The following TATDN2 variants were observed in gnomAD, a reference collection of about 807,000 sequenced individuals.
The protein encoded by TATDN2 is 3'-5' RNA nuclease TATDN2.
Under a neutral mutation model 60.3 loss-of-function variants are expected in TATDN2, and 44 were observed. The observed-to-expected ratio is 0.73, with a 90% CI of 0.57 to 0.94. The LOEUF (loss-of-function observed/expected upper bound fraction) is 0.94, where lower values mean the gene tolerates loss of function less well. TATDN2 is among the 40% of genes least tolerant of loss of function. TATDN2 has a pLI of 0.00. For missense variants in TATDN2, 997 were observed against 948.0 expected, an observed-to-expected ratio of 1.05 and a Z score of -0.68; for synonymous variants, 399 against 355.8, an observed-to-expected ratio of 1.12 and a Z score of -1.37.
chr3:10,271,883 C>T (rs1303876868), intron 4 of TATDN2, among the ~76,000 whole-genome samples: 3 of 151,982 alleles, frequency 2.0e-5, no homozygotes, highest in Non-Finnish European at 4.4e-5. Context: ...TGTGTGCCAC[C>T]TTGCGTGGCT....
chr3:10,275,535 G>A (rs941757900), intron 4 of TATDN2, among the ~76,000 whole-genome samples: 2 of 152,034 alleles, frequency 1.3e-5, no homozygotes, highest in Admixed American at 1.3e-4. Flanking sequence ...ATCAGTTGAG[G>A]TTAGTTTGAG....
chr3:10,278,839 G>T lies in TATDN2; in HGVS notation c.2146-46G>T. 1 of 1,613,590 alleles carries T rather than the reference G, an allele frequency of 6.2e-7. No homozygotes were observed. The highest frequency in any genetic ancestry group is 1.3e-5 in the African/African-American group (1 of 75,054). ...AGGGAGGGAGTTCTAGATTATGACT[G>T]TGCACACATGGCACAATGATGTTAT... On this transcript the variant is annotated intron_variant, in intron 6 of 7. Transcript: ENST00000448281. The surrounding 1 kb of genome is among the most constrained non-coding windows in gnomAD (Gnocchi z 4.7).
chr3:10,278,978 A>G lies in TATDN2; in HGVS notation c.2239A>G (p.Thr747Ala). 1.2e-6 allele frequency: 2 copies of G among 1,614,224 alleles called. No homozygotes were observed. The highest frequency in any genetic ancestry group is 1.7e-6 in the Non-Finnish European group (2 of 1,180,040). The change falls in exon 7 of 8, where the codon ACC (threonine) becomes GCC (alanine). Residue 747 changes from threonine to alanine, a missense_variant. Transcript: ENST00000448281. This position sits in a 1 kb window ranked among gnomAD's most constrained non-coding sequence, Gnocchi z 4.7. ...AGTCAAAGATCAGCCACTCTCCCTCACCTTGGCTGCCTTGCGTGAGAACAC... is the reference window on the plus strand; with the variant it reads ...AGTCAAAGATCAGCCACTCTCCCTCGCCTTGGCTGCCTTGCGTGAGAACAC... The part of the protein sequence containing the change: ...ARVKDQPLSL[T>A]LAALRENTSR...
chr3:10,273,778 G>A (rs189304008), intron 4 of TATDN2, among the ~76,000 whole-genome samples: 1 of 152,152 alleles, frequency 6.6e-6, no homozygotes, highest in African/African-American at 2.4e-5. Context: ...GCTGGTTAGA[G>A]CAAATTACTG....
At chr3:10,276,533 C>T (rs768637416) in intron 5 of TATDN2, 45 bp downstream of exon 5, 1 of 1,595,048 alleles carries the variant, frequency 6.3e-7, no homozygotes. Flanking sequence ...GAAACACTTC[C>T]TCTGTCAAGT....
Position 10,278,447 on chromosome 3 carries a change from T to C in TATDN2, c.2130T>C (p.Tyr710=). 1 of 1,612,858 alleles carries C rather than the reference T, an allele frequency of 6.2e-7. No individual in the cohort carries two copies. Residue 710 remains tyrosine, a synonymous_variant, in exon 6 of 8, where the codon TAT becomes TAC. Transcript: ENST00000448281. This position sits in a 1 kb window ranked among gnomAD's most constrained non-coding sequence, Gnocchi z 4.7. ...TCATCGTGGAAACGGATGCTCCCTA[T>C]TTCCTCCCTCGCCAGGTAAGGGGGT... ...ERIIVETDAP[Y]FLPRQVPKSL...
intron 4 of TATDN2, among the ~76,000 whole-genome samples, chr3:10,272,083 G>A (rs1317782935): frequency 6.6e-6 from 1 of 152,014 alleles, no homozygotes; most frequent in Non-Finnish European, 1.5e-5. Flanking sequence ...GCTTTGGCAG[G>A]GTAAGAGTTG....
chr3:10,252,568 G>T (rs1163278352), intron 2 of TATDN2, among the ~76,000 whole-genome samples: 1 of 152,086 alleles, frequency 6.6e-6, no homozygotes, highest in African/African-American at 2.4e-5. Context: ...GGTCATCTGT[G>T]AACTTATCTG....
At chr3:10,258,473 CTTT>C (rs62666361) in intron 2 of TATDN2, among the ~76,000 whole-genome samples, 3 of 143,014 alleles carry the variant, frequency 2.1e-5, no homozygotes, top group African/African-American at 2.6e-5. Flanking sequence ...TATTTTGCTT[CTTT>C]TTTTTTTTTT....
Position 10,269,989 on chromosome 3 carries a change from A to G in TATDN2, c.949-142A>G, listed in dbSNP as rs560144134. The G allele has an allele frequency of 3.1e-4, 329 of 1,057,004 alleles. 1 individual carries two copies. In the South Asian group the frequency reaches 5.2e-3, roughly 17 times the overall value. 65.5% of individuals were successfully genotyped at this position (1,057,004 alleles called of 1,614,324 possible). A position where few individuals can be genotyped will look rare whatever the true frequency, so the allele number is the denominator to read the frequency against. On this transcript the variant is annotated intron_variant, in intron 3 of 7. Coordinates refer to ENST00000448281, the MANE Select transcript of TATDN2 (RefSeq NM_014760.4). ...CTGGAAATTGTAAGGAAACCAGGTG[A>G]CAGGGTGAGCTAATGAGCCAATGCA... is the stretch of plus-strand genomic sequence containing the variant.
chr3:10,259,091 TG>T (rs1203009791), intron 2 of TATDN2, among the ~76,000 whole-genome samples: 1 of 152,198 alleles, frequency 6.6e-6, no homozygotes, highest in Non-Finnish European at 1.5e-5. Flanking sequence ...AAGCTGGTCT[TG>T]AACTCCTGAG....
rs1433640833 is a variant in TATDN2 at position 10,278,989 on chromosome 3, C to T, written c.2250C>T (p.Ala750=). 6.2e-7 allele frequency: 1 copy of T among 1,614,242 alleles called. No individual in the cohort carries two copies. Among genetic ancestry groups the T allele is most frequent in the African/African-American group, 1.3e-5 (1 of 75,068 alleles). ...KDQPLSLTLA[A]LRENTSRLYS... Reference sequence around the variant, plus strand: ...AGCCACTCTCCCTCACCTTGGCTGCCTTGCGTGAGAACACCAGTCGCCTCT... The same window carrying T: ...AGCCACTCTCCCTCACCTTGGCTGCTTTGCGTGAGAACACCAGTCGCCTCT... The change falls in exon 7 of 8, where the codon GCC becomes GCT. Residue 750 remains alanine (A), a synonymous_variant. Transcript: ENST00000448281. This position sits in a 1 kb window ranked among gnomAD's most constrained non-coding sequence, Gnocchi z 4.7.
chr3:10,248,834 C>T lies in TATDN2; in HGVS notation c.-240C>T. 1 of 206,880 alleles carries T rather than the reference C, an allele frequency of 4.8e-6. No individual in the cohort carries two copies. Among genetic ancestry groups the T allele is most frequent in the Non-Finnish European group, 9.6e-6 (1 of 104,622 alleles). 12.8% of individuals were successfully genotyped at this position (206,880 alleles called of 1,614,324 possible). The stretch of plus-strand genomic sequence containing the variant: ...TGGTCTTCTGAAGCGCTTGACAGTT[C>T]TAAAGGGCTTTATATTGCAAACTGA... On this transcript the variant is annotated 5_prime_UTR_variant, in exon 1 of 8. Coordinates refer to ENST00000448281, the MANE Select transcript of TATDN2 (RefSeq NM_014760.4).
chr3:10,251,068 A>C (rs999454314), intron 2 of TATDN2, among the ~76,000 whole-genome samples: 1 of 152,128 alleles, frequency 6.6e-6, no homozygotes, highest in Middle Eastern at 3.2e-3. Flanking sequence ...AGGTGGACCC[A>C]CCTTTCTCTC....
In TATDN2 at chr3:10,260,587, G is replaced by C. The variant is rs1439244665; in HGVS notation, c.865G>C (p.Gly289Arg). The change falls in exon 3 of 8, where the codon GGG becomes CGG. Residue 289 changes from glycine (G) to arginine (R), a missense_variant. Transcript: ENST00000448281. ...AGAGAAACCCAGTGAGGAGCCCCTTGGGGACCGAAGGACTGTCATTGACAA... is the reference window on the plus strand; with the variant it reads ...AGAGAAACCCAGTGAGGAGCCCCTTCGGGACCGAAGGACTGTCATTGACAA... ...PQEKPSEEPL[G>R]DRRTVIDKCS... is the part of the protein sequence containing the mutation. 2 of 1,614,126 alleles carry C rather than the reference G, an allele frequency of 1.2e-6. No homozygotes were observed. The highest frequency in any genetic ancestry group is 1.7e-6 in the Non-Finnish European group (2 of 1,180,018).
At position 10,254,651 on chromosome 3, in the gene TATDN2, G is replaced by A. The variant is rs117900515; in HGVS notation, c.414+5037G>A. On this transcript the variant is annotated intron_variant, in intron 2 of 7. Coordinates refer to ENST00000448281, the MANE Select transcript of TATDN2 (RefSeq NM_014760.4). The stretch of plus-strand genomic sequence containing the variant: ...TTGCATTTTAGAGCTCCTCTGGCAC[G>A]CTGCAGAGAAAGGGTAGGAGGGAGA... Among the ~76,000 whole-genome samples the A allele has an allele frequency of 2.7e-3, 415 of 152,238 alleles. 12 individuals carry two copies. The South Asian group carries it at 0.042, about 15-fold the overall frequency.
Position 10,278,833 on chromosome 3 carries a change from A to T in TATDN2, c.2146-52A>T. 1.9e-6 allele frequency: 3 copies of T among 1,613,388 alleles called. No individual in the cohort carries two copies. The highest frequency in any genetic ancestry group is 2.5e-6 in the Non-Finnish European group (3 of 1,179,832). Reference sequence around the variant, plus strand: ...AGGGACAGGGAGGGAGTTCTAGATTATGACTGTGCACACATGGCACAATGA... The same window carrying T: ...AGGGACAGGGAGGGAGTTCTAGATTTTGACTGTGCACACATGGCACAATGA... On this transcript the variant is annotated intron_variant, in intron 6 of 7. Coordinates refer to ENST00000448281, the MANE Select transcript of TATDN2 (RefSeq NM_014760.4). This position sits in a 1 kb window ranked among gnomAD's most constrained non-coding sequence, Gnocchi z 4.7.
chr3:10,275,581 CA>C (rs1394353836), intron 4 of TATDN2, among the ~76,000 whole-genome samples: 1 of 151,956 alleles, frequency 6.6e-6, no homozygotes, highest in Non-Finnish European at 1.5e-5. Context: ...CCCATCTCTA[CA>C]AACAAATACA....
chr3:10,260,555 A>T lies in TATDN2; in HGVS notation c.833A>T (p.Asp278Val), dbSNP rs1328464973. The T allele has an allele frequency of 1.9e-6, 3 of 1,614,070 alleles. No individual in the cohort carries two copies. The Admixed American group carries it at 5.0e-5, about 27-fold the overall frequency. ...SSFYDRRVVI[D>V]PQEKPSEEPL... ...TTCTATGACAGGAGAGTAGTTATAG[A>T]CCCTCAAGAGAAACCCAGTGAGGAG... Residue 278 changes from aspartate to valine, a missense_variant, in exon 3 of 8, where the codon GAC becomes GTC. Coordinates refer to ENST00000448281, the MANE Select transcript of TATDN2 (RefSeq NM_014760.4).
Sources: gnomAD v4.1 joint callset for allele counts (sites outside exome capture counted in the v4.1 genomes callset) on GRCh38, gnomAD v4.1.1 for gene constraint, Gnocchi (gnomAD v3.1) non-coding constraint, MANE v1.5 for transcripts, NCBI Gene and HGNC (gene_info 2026-07-23, HGNC 2026-07-21) for gene names.